The following CCDC80 variants were observed in gnomAD, a reference collection of about 807,000 sequenced individuals.
The protein encoded by CCDC80 is coiled-coil domain containing 80.
A neutral mutation model predicts 78.7 loss-of-function variants in CCDC80; 49 were observed. The observed-to-expected ratio is 0.62, with a 90% CI of 0.50 to 0.79. The LOEUF (loss-of-function observed/expected upper bound fraction) is 0.79. Ranked by LOEUF, CCDC80 falls within the 30% of genes least tolerant of loss-of-function variation. CCDC80 has a pLI of 0.00. For missense variants in CCDC80, 1,205 were observed against 1,198.6 expected (o/e 1.01, Z -0.08); for synonymous variants, 488 against 447.0 (o/e 1.09, Z -1.16).
At chr3:112,606,571 G>A (rs1295866397) in intron 7 of CCDC80, among the ~76,000 whole-genome samples, 4 of 146,160 alleles carry the variant, frequency 2.7e-5, no homozygotes, top group Non-Finnish European at 4.6e-5. Flanking sequence ...GACTACAGGC[G>A]CATGCCACCA....
At chr3:112,618,852 T>C in intron 4 of CCDC80, 116 bp downstream of exon 4, 1 of 1,173,890 alleles carries the variant, frequency 8.5e-7, no homozygotes, top group South Asian at 1.6e-5. Context: ...CTCAAAACTT[T>C]CCCATTTATA....
At chr3:112,620,084 A>G (rs1257592590) in intron 3 of CCDC80, among the ~76,000 whole-genome samples, 2 of 152,216 alleles carry the variant, frequency 1.3e-5, no homozygotes, top group African/African-American at 4.8e-5. Flanking sequence ...AGTGACTAAC[A>G]CTGTACTACA....
chr3:112,637,923 T>C (rs2279531), intron 2 of CCDC80, 105 bp downstream of exon 2: 1,050,658 of 1,502,414 alleles, frequency 0.7, 368,975 homozygotes, highest in East Asian at 0.87. Flanking sequence ...ACAGGTTCAG[T>C]CACAGTCTGG....
At chr3:112,630,082 A>G in intron 3 of CCDC80, 31 bp downstream of exon 3, 1 of 1,602,134 alleles carries the variant, frequency 6.2e-7, no homozygotes, top group Non-Finnish European at 8.5e-7. Context: ...TATGAGAAAA[A>G]CAATAATATA....
At position 112,605,604 on chromosome 3, in the gene CCDC80, A is replaced by G. The variant is rs1935468654; in HGVS notation, c.2666T>C (p.Val889Ala). 2 of 1,614,198 alleles carry G rather than the reference A, an allele frequency of 1.2e-6. No homozygotes were observed. ...TTGCATCGAATCAATTAAATCGTACACAATCACCATGGACCACATTGGGGA... is the reference window on the plus strand; with the variant it reads ...TTGCATCGAATCAATTAAATCGTACGCAATCACCATGGACCACATTGGGGA... ...YPSPMWSMVI[V>A]YDLIDSMQLR... The change falls in exon 8 of 8, where the codon GTG becomes GCG. Residue 889 changes from valine (V) to alanine (A), a missense_variant. Transcript: ENST00000206423.
chr3:112,628,372 C>T (rs1254765155), intron 3 of CCDC80, among the ~76,000 whole-genome samples: 2 of 152,104 alleles, frequency 1.3e-5, no homozygotes, highest in Admixed American at 1.3e-4. Flanking sequence ...ATTCTGTAAT[C>T]AGCACAAAGC....
At chr3:112,622,450 C>G (rs1935885061) in intron 3 of CCDC80, among the ~76,000 whole-genome samples, 1 of 152,140 alleles carries the variant, frequency 6.6e-6, no homozygotes, top group African/African-American at 2.4e-5. Flanking sequence ...GAAGCTACAT[C>G]CTGTCTCAGC....
chr3:112,622,002 C>T (rs1935878300), intron 3 of CCDC80, among the ~76,000 whole-genome samples: 1 of 152,120 alleles, frequency 6.6e-6, no homozygotes, highest in South Asian at 2.1e-4. Flanking sequence ...TCTCAGAAAA[C>T]CCAATCTGTC....
chr3:112,639,090 G>C lies in CCDC80; in HGVS notation c.816C>G (p.Ile272Met). Residue 272 changes from isoleucine (I) to methionine (M), a missense_variant, in exon 2 of 8, where the codon ATC becomes ATG. Coordinates refer to ENST00000206423, the MANE Select transcript of CCDC80 (RefSeq NM_199511.3). ...DQGPIRRIEK[I>M]RQKGFVQKCK... Reference sequence around the variant, plus strand: ...ATTTCTGGACAAAGCCCTTCTGCCTGATCTTCTCGATCCTACGGATGGGGC... The same window carrying C: ...ATTTCTGGACAAAGCCCTTCTGCCTCATCTTCTCGATCCTACGGATGGGGC... 6.2e-7 allele frequency: 1 copy of C among 1,613,796 alleles called. No individual in the cohort carries two copies. Among genetic ancestry groups the C allele is most frequent in the South Asian group, 1.1e-5 (1 of 91,080 alleles).
intron 3 of CCDC80, among the ~76,000 whole-genome samples, chr3:112,621,881 A>G (rs938444527): frequency 2.6e-5 from 4 of 152,068 alleles, no homozygotes; most frequent in Non-Finnish European, 4.4e-5. Flanking sequence ...GGAAGGTCCA[A>G]CTCTATTGCA....
chr3:112,618,903 A>C (rs574726286), intron 4 of CCDC80, 65 bp downstream of exon 4: 1 of 1,543,324 alleles, frequency 6.5e-7, no homozygotes, highest in East Asian at 2.3e-5. Context: ...GGACTGTTTA[A>C]CAAAACAATT....
chr3:112,622,840 TTTTTTTTG>T (rs1242299513), intron 3 of CCDC80, among the ~76,000 whole-genome samples: 4 of 146,248 alleles, frequency 2.7e-5, no homozygotes, highest in East Asian at 4.0e-4. Flanking sequence ...TTTTTTTTTT[TTTTTTTTG>T]TATTTTTAGT....
intron 4 of CCDC80, among the ~76,000 whole-genome samples, chr3:112,618,223 A>T (rs1207933283): frequency 6.6e-6 from 1 of 152,220 alleles, no homozygotes; most frequent in East Asian, 1.9e-4. Flanking sequence ...AACTAGGTGT[A>T]AAACCCCAAA....
At chr3:112,610,326 C>T (rs1935599717) in intron 5 of CCDC80, 1 of 498,246 alleles carries the variant, frequency 2.0e-6, no homozygotes, top group African/African-American at 1.9e-5. Context: ...AAGCATGAGT[C>T]TGTGGTCACA....
intron 5 of CCDC80, 104 bp from the exon 6 acceptor site, chr3:112,610,185 A>AT (rs2107472484): frequency 4.3e-6 from 4 of 924,550 alleles, no homozygotes; most frequent in Non-Finnish European, 6.8e-6. Flanking sequence ...TTCTGTGCCC[A>AT]GAAAAAAAAA....
In CCDC80 at chr3:112,605,407, A is replaced by G. The variant is rs1440171117; in HGVS notation, c.*10T>C. The G allele has an allele frequency of 2.5e-6, 4 of 1,595,724 alleles. No individual in the cohort carries two copies. Among genetic ancestry groups the G allele is most frequent in the Non-Finnish European group, 3.4e-6 (4 of 1,166,554 alleles). ...GGAAACTGGCTGAGTCTAAGGTTAC[A>G]TATTTCTGCTCAGTAAGGGTATCCA... is the stretch of plus-strand genomic sequence containing the variant. On this transcript the variant is annotated 3_prime_UTR_variant, in exon 8 of 8. Transcript: ENST00000206423.
chr3:112,607,261 G>A lies in CCDC80; in HGVS notation c.2426-5C>T. The A allele has an allele frequency of 6.2e-7, 1 of 1,605,856 alleles. No homozygotes were observed. Among genetic ancestry groups the A allele is most frequent in the Non-Finnish European group, 8.5e-7 (1 of 1,177,256 alleles). On this transcript the variant is annotated splice_region_variant and splice_polypyrimidine_tract_variant and intron_variant, in intron 6 of 7. Coordinates refer to ENST00000206423, the MANE Select transcript of CCDC80 (RefSeq NM_199511.3). ...GAATGGTTATGTGGCGCAGACCTGAGAGAAAAAAGAAAACCATAGGATTAG... is the reference window on the plus strand; with the variant it reads ...GAATGGTTATGTGGCGCAGACCTGAAAGAAAAAAGAAAACCATAGGATTAG...
In CCDC80 at chr3:112,596,993, A is replaced by G. The variant is rs1026073005; in HGVS notation, c.*8424T>C. On this transcript the variant is annotated 3_prime_UTR_variant, in exon 8 of 8. Coordinates refer to ENST00000206423, the MANE Select transcript of CCDC80 (RefSeq NM_199511.3). ...ATCTTGACTTTGAGAGTTCAATGTC[A>G]TTCCCAACAGGGTCTTTATGTCTGT... 2 of 152,176 alleles carry G rather than the reference A, an allele frequency of 1.3e-5. No individual in the cohort carries two copies. The highest frequency in any genetic ancestry group is 4.8e-5 in the African/African-American group (2 of 41,442). The allele number at this position is 152,176 out of a possible 1,614,324, so 9.4% of individuals were successfully genotyped here. A position where few individuals can be genotyped will look rare whatever the true frequency, so the allele number is the denominator to read the frequency against.
chr3:112,638,751 C>T lies in CCDC80; in HGVS notation c.1155G>A (p.Gln385=). 8 of 1,613,740 alleles carry T rather than the reference C, an allele frequency of 5.0e-6. No homozygotes were observed. The highest frequency in any genetic ancestry group is 6.8e-6 in the Non-Finnish European group (8 of 1,179,950). Residue 385 remains glutamine (Q), a synonymous_variant, in exon 2 of 8, where the codon CAG becomes CAA. Coordinates refer to ENST00000206423, the MANE Select transcript of CCDC80 (RefSeq NM_199511.3). The part of the protein sequence containing the change: ...PMTTTAFPTT[Q]RPWTPSPSHR... ...GGGAGGGTGAGGGGGTCCAGGGCCT[C>T]TGCGTGGTGGGAAAGGCAGTGGTGG...
Sources: allele counts gnomAD v4.1 joint callset (sites outside exome capture counted in the v4.1 genomes callset), GRCh38; gene constraint gnomAD v4.1.1; transcripts MANE v1.5; gene names NCBI Gene and HGNC (gene_info 2026-07-23, HGNC 2026-07-21).